Variants in FHIP2A observed in about 807,000 individuals in gnomAD.
FHIP2A encodes the protein family with sequence similarity 160 member B1.
Under a neutral mutation model 93.5 loss-of-function variants are expected in FHIP2A, and 46 were observed. That is an observed-to-expected ratio of 0.49 (90% CI 0.39 to 0.63). The LOEUF (loss-of-function observed/expected upper bound fraction) is 0.63, where lower values mean the gene tolerates loss of function less well. Ranked by LOEUF, FHIP2A falls within the 20% of genes least tolerant of loss-of-function variation. The pLI is 0.00. For synonymous variants in FHIP2A, 332 were observed against 326.5 expected, an observed-to-expected ratio of 1.02 and a Z score of -0.18; for missense variants, 769 against 909.7, an observed-to-expected ratio of 0.85 and a Z score of 1.99.
Position 114,843,104 on chromosome 10 carries a change from A to T in FHIP2A, c.694A>T (p.Met232Leu). The T allele has an allele frequency of 6.2e-7, 1 of 1,614,090 alleles. No individual in the cohort carries two copies. Among genetic ancestry groups the T allele is most frequent in the Non-Finnish European group, 8.5e-7 (1 of 1,179,986 alleles). The change falls in exon 6 of 17, where the codon ATG (methionine) becomes TTG (leucine). Residue 232 changes from methionine to leucine, a missense_variant. Coordinates refer to ENST00000369248, the MANE Select transcript of FHIP2A (RefSeq NM_020940.4). ...TELEDEPPHQ[M>L]DHLSTSLDNL... ...ATTGGAAGATGAGCCTCCTCATCAG[A>T]TGGATCACCTGTCCACAAGCTTGGA...
chr10:114,840,536 TA>T (rs1452528738), intron 5 of FHIP2A, among the ~76,000 whole-genome samples: 3 of 152,090 alleles, frequency 2.0e-5, no homozygotes, highest in Non-Finnish European at 4.4e-5. Context: ...AGAGGAGAGA[TA>T]AAATCAGGGA....
In FHIP2A at chr10:114,843,701, T is replaced by C. The variant is rs1246173608; in HGVS notation, c.817-40T>C. 5.6e-6 allele frequency: 8 copies of C among 1,424,972 alleles called. No individual in the cohort carries two copies. In the African/African-American group the frequency reaches 1.0e-4, roughly 18 times the overall value. 88.3% of individuals were successfully genotyped at this position (1,424,972 alleles called of 1,614,324 possible). On this transcript the variant is annotated intron_variant, in intron 6 of 16. Transcript: ENST00000369248. ...ATGTTTTCAAACAACCTGATGTATA[T>C]ACAATTCAAGAATTGAAGGGGGATT...
intron 16 of FHIP2A, among the ~76,000 whole-genome samples, chr10:114,875,169 G>A (rs937977495): frequency 6.6e-6 from 1 of 152,190 alleles, no homozygotes; most frequent in East Asian, 1.9e-4. Flanking sequence ...GGCGGCCGGC[G>A]GAGGCAGTGC....
chr10:114,858,918 A>G (rs1234563622), intron 14 of FHIP2A, among the ~76,000 whole-genome samples: 1 of 152,220 alleles, frequency 6.6e-6, no homozygotes, highest in Non-Finnish European at 1.5e-5. Context: ...TGGATGTCCC[A>G]GTTACCCTAA....
At chr10:114,859,855 A>T (rs757781429) in intron 14 of FHIP2A, among the ~76,000 whole-genome samples, 11 of 152,168 alleles carry the variant, frequency 7.2e-5, no homozygotes, top group Non-Finnish European at 1.2e-4. Flanking sequence ...CTCTGTAATC[A>T]CCATTTTGAA....
intron 1 of FHIP2A, among the ~76,000 whole-genome samples, chr10:114,828,071 A>G (rs1173437125): frequency 1.3e-5 from 2 of 152,162 alleles, no homozygotes; most frequent in African/African-American, 2.4e-5. Flanking sequence ...TTTGCATGTT[A>G]GAATTAGTAA....
intron 16 of FHIP2A, among the ~76,000 whole-genome samples, chr10:114,880,796 A>G (rs114334596): frequency 2.5e-4 from 38 of 151,982 alleles, no homozygotes; most frequent in Admixed American, 3.3e-4. Context: ...AGTGATTCTG[A>G]TGCTGTAGGG....
chr10:114,840,601 A>C (rs1055210037), intron 5 of FHIP2A, among the ~76,000 whole-genome samples: 1 of 152,202 alleles, frequency 6.6e-6, no homozygotes, highest in African/African-American at 2.4e-5. Flanking sequence ...AAGGACTACG[A>C]CCAAGTTGGA....
At chr10:114,840,696 G>A (rs981159271) in intron 5 of FHIP2A, among the ~76,000 whole-genome samples, 15 of 152,180 alleles carry the variant, frequency 9.9e-5, no homozygotes, top group Non-Finnish European at 2.2e-4. Flanking sequence ...CAGAAGCTGG[G>A]AAAGGATGAT....
intron 5 of FHIP2A, among the ~76,000 whole-genome samples, chr10:114,841,292 G>GTTTTTTT (rs397845509): frequency 8.0e-6 from 1 of 125,058 alleles, no homozygotes. Context: ...TATGCCATTG[G>GTTTTTTT]TTTTTTTTTT....
chr10:114,893,152 A>G (rs1196227967), intron 16 of FHIP2A, among the ~76,000 whole-genome samples: 1 of 152,236 alleles, frequency 6.6e-6, no homozygotes, highest in Non-Finnish European at 1.5e-5. Context: ...GAATATGATC[A>G]AAGATTATTA....
At chr10:114,843,249 T>G in intron 6 of FHIP2A, 23 bp downstream of exon 6, 1 of 1,502,426 alleles carries the variant, frequency 6.7e-7, no homozygotes, top group South Asian at 1.3e-5. Context: ...CCTTACTTTT[T>G]CCCCCCTAAC....
chr10:114,878,550 G>A lies in FHIP2A; in HGVS notation c.2192+17216G>A, dbSNP rs112046278. On this transcript the variant is annotated intron_variant, in intron 16 of 16. Transcript: ENST00000369250. ...TCCCAGCACTTTGGGAGGCCGAGGT[G>A]GGTGGATCACCTGAGGTCAGGAGTT... 4.5e-3 allele frequency among the ~76,000 whole-genome samples: 691 copies of A among 152,252 alleles called. 1 individual carries two copies. The highest frequency in any genetic ancestry group is 0.015 in the African/African-American group (634 of 41,544).
At chr10:114,874,524 T>C (rs927704432) in intron 16 of FHIP2A, among the ~76,000 whole-genome samples, 1 of 152,164 alleles carries the variant, frequency 6.6e-6, no homozygotes. Flanking sequence ...TTTTTGGAGA[T>C]GGAGTTTCGC....
At chr10:114,891,394 T>C (rs1462201081) in intron 16 of FHIP2A, among the ~76,000 whole-genome samples, 1 of 151,852 alleles carries the variant, frequency 6.6e-6, no homozygotes, top group Non-Finnish European at 1.5e-5. Flanking sequence ...TTTATTATAG[T>C]ATCTTCCATA....
chr10:114,835,786 C>T (rs942219933), intron 4 of FHIP2A, 145 bp downstream of exon 4: 3 of 554,516 alleles, frequency 5.4e-6, no homozygotes, highest in Non-Finnish European at 6.2e-6. Flanking sequence ...TTTCTTTATG[C>T]ATCACATAGC....
At position 114,855,369 on chromosome 10, in the gene FHIP2A, T is replaced by C. The variant is rs1368475962; in HGVS notation, c.1947+29T>C. On this transcript the variant is annotated intron_variant, in intron 14 of 16. Coordinates refer to ENST00000369248, the MANE Select transcript of FHIP2A (RefSeq NM_020940.4). ...ATACATTTTAAAATACTAATTTTCATATTTTTTTTTGCCATTCACCACAGA... is the reference window on the plus strand; with the variant it reads ...ATACATTTTAAAATACTAATTTTCACATTTTTTTTTGCCATTCACCACAGA... 5.1e-6 allele frequency: 8 copies of C among 1,583,144 alleles called. No homozygotes were observed. In the Admixed American group the frequency reaches 1.4e-4, roughly 28 times the overall value.
intron 16 of FHIP2A, among the ~76,000 whole-genome samples, chr10:114,886,956 G>A (rs528824900): frequency 9.9e-5 from 15 of 152,242 alleles, no homozygotes; most frequent in African/African-American, 2.9e-4. Flanking sequence ...AGAAGGCTCA[G>A]GATCAGAGAA....
At chr10:114,852,402 A>C (rs2083742445) in intron 13 of FHIP2A, among the ~76,000 whole-genome samples, 1 of 152,062 alleles carries the variant, frequency 6.6e-6, no homozygotes, top group Non-Finnish European at 1.5e-5. Flanking sequence ...TGCCTTTAAA[A>C]CTGCATCTGC....
Sources: gnomAD v4.1 joint callset for allele counts (sites outside exome capture counted in the v4.1 genomes callset) on GRCh38, gnomAD v4.1.1 for gene constraint, MANE v1.5 for transcripts, NCBI Gene and HGNC (gene_info 2026-07-23, HGNC 2026-07-21) for gene names.